The following GPC5 variants were observed in gnomAD, a reference collection of about 807,000 sequenced individuals.
The protein encoded by GPC5 is glypican 5, also known as glypican-5.
GPC5 carries 47 observed loss-of-function variants against 53.9 expected under a neutral mutation model. The ratio of observed to expected loss-of-function variants is 0.87; its 90% confidence interval spans 0.69 to 1.11. The LOEUF is 1.11. Ranked by LOEUF, GPC5 falls within the 50% of genes most tolerant of loss-of-function variation. GPC5 has a pLI of 0.00. For synonymous variants in GPC5, 286 were observed against 263.3 expected, an observed-to-expected ratio of 1.09 and a Z score of -0.84; for missense variants, 748 against 713.1, an observed-to-expected ratio of 1.05 and a Z score of -0.56.
At chr13:91,588,001 A>G (rs924566166) in intron 2 of GPC5, among the ~76,000 whole-genome samples, 67 of 152,178 alleles carry the variant, frequency 4.4e-4, no homozygotes, top group African/African-American at 1.6e-3. Context: ...GAACAGCTTC[A>G]AATCACCTTT....
In GPC5 at chr13:92,168,951, C is replaced by T. The variant is rs998686237; in HGVS notation, c.1561+23962C>T. ...TCAACCCACCCCAACAGTTATAGAC[C>T]GGATAAAGAAAATGTGGTACATATA... On this transcript the variant is annotated intron_variant, in intron 7 of 7. Coordinates refer to ENST00000377067, the MANE Select transcript of GPC5 (RefSeq NM_004466.6). 6.6e-5 allele frequency among the ~76,000 whole-genome samples: 10 copies of T among 152,102 alleles called. No individual in the cohort carries two copies. In the East Asian group the frequency reaches 9.6e-4, roughly 15 times the overall value.
chr13:92,552,442 A>G (rs1028838780), intron 7 of GPC5, among the ~76,000 whole-genome samples: 2 of 151,996 alleles, frequency 1.3e-5, no homozygotes, highest in Non-Finnish European at 2.9e-5. Context: ...TTTGAAGAGC[A>G]AGAAAATTAA....
intron 7 of GPC5, chr13:92,239,789 C>G (rs917864436): frequency 1.8e-4 from 6 of 33,492 alleles, no homozygotes; most frequent in Non-Finnish European, 4.4e-4. Context: ...GGATTTCCAC[C>G]TGCAAATGAT....
intron 7 of GPC5, among the ~76,000 whole-genome samples, chr13:92,787,748 A>ATACT (rs1313848827): frequency 6.6e-6 from 1 of 151,072 alleles, no homozygotes; most frequent in Non-Finnish European, 1.5e-5. Context: ...ATGGTGACAC[A>ATACT]TACTTATAGT....
intron 1 of GPC5, among the ~76,000 whole-genome samples, chr13:91,400,326 A>G (rs1395939730): frequency 1.3e-5 from 2 of 152,224 alleles, no homozygotes; most frequent in Non-Finnish European, 2.9e-5. Flanking sequence ...AAGTCATCCC[A>G]GAAAGAAAAT....
At chr13:91,820,730 G>A (rs760205521) in intron 5 of GPC5, among the ~76,000 whole-genome samples, 2 of 152,162 alleles carry the variant, frequency 1.3e-5, no homozygotes, top group Non-Finnish European at 2.9e-5. Context: ...TTGGGAGGCC[G>A]AGGCGGGAGG....
chr13:91,654,572 G>T (rs2034801237), intron 2 of GPC5, among the ~76,000 whole-genome samples: 1 of 152,080 alleles, frequency 6.6e-6, no homozygotes, highest in Non-Finnish European at 1.5e-5. Flanking sequence ...TGTCAGGAAG[G>T]ATATACTTTA....
intron 7 of GPC5, among the ~76,000 whole-genome samples, chr13:92,469,428 C>G (rs1187132664): frequency 6.6e-6 from 1 of 152,078 alleles, no homozygotes; most frequent in African/African-American, 2.4e-5. Context: ...TTAACTAGTT[C>G]AAACATTTAT....
intron 7 of GPC5, among the ~76,000 whole-genome samples, chr13:92,363,455 T>C (rs1365913043): frequency 6.6e-6 from 1 of 151,662 alleles, no homozygotes; most frequent in African/African-American, 2.4e-5. Flanking sequence ...ATTAGTTAGA[T>C]TAGATTCTCA....
intron 7 of GPC5, among the ~76,000 whole-genome samples, chr13:92,416,628 AT>A (rs1180966293): frequency 6.6e-6 from 1 of 152,218 alleles, no homozygotes; most frequent in Admixed American, 6.5e-5. Context: ...TTTAGAAAAA[AT>A]GTAGGAATAA....
intron 2 of GPC5, among the ~76,000 whole-genome samples, chr13:91,549,304 C>T (rs1594239395): frequency 6.8e-6 from 1 of 147,258 alleles, no homozygotes; most frequent in Non-Finnish European, 1.5e-5. Flanking sequence ...ACTCATAGTA[C>T]ATAATACAGG....
At chr13:92,278,930 T>C (rs189497849) in intron 7 of GPC5, among the ~76,000 whole-genome samples, 1 of 152,210 alleles carries the variant, frequency 6.6e-6, no homozygotes, top group Admixed American at 6.5e-5. Flanking sequence ...ACTGAAACTT[T>C]CTAATAAGTT....
intron 6 of GPC5, among the ~76,000 whole-genome samples, chr13:92,022,893 C>G (rs961119007): frequency 6.6e-6 from 1 of 151,894 alleles, no homozygotes; most frequent in South Asian, 2.1e-4. Flanking sequence ...AATTATTAAA[C>G]AAATTAAGAA....
intron 5 of GPC5, among the ~76,000 whole-genome samples, chr13:91,781,671 T>C (rs2037800836): frequency 6.6e-6 from 1 of 152,224 alleles, no homozygotes; most frequent in South Asian, 2.1e-4. Flanking sequence ...TAGGCATATC[T>C]TCCTCATTTT....
chr13:92,426,972 G>A (rs951381312), intron 7 of GPC5, among the ~76,000 whole-genome samples: 5 of 151,956 alleles, frequency 3.3e-5, no homozygotes, highest in African/African-American at 1.2e-4. Context: ...AGCTTGTGAT[G>A]AGAGACGAAT....
At chr13:92,747,639 G>A (rs1042687096) in intron 7 of GPC5, among the ~76,000 whole-genome samples, 11 of 152,114 alleles carry the variant, frequency 7.2e-5, no homozygotes, top group African/African-American at 1.2e-4. Flanking sequence ...GTCTCTTAAC[G>A]AAACCCATTG....
At chr13:91,797,994 G>A (rs2038074049) in intron 5 of GPC5, among the ~76,000 whole-genome samples, 2 of 152,114 alleles carry the variant, frequency 1.3e-5, no homozygotes, top group African/African-American at 4.8e-5. Flanking sequence ...TACAGGTTAG[G>A]GAGATTATCT....
intron 1 of GPC5, among the ~76,000 whole-genome samples, chr13:91,415,779 ACTAT>A (rs1270170897): frequency 1.3e-5 from 2 of 152,020 alleles, no homozygotes; most frequent in African/African-American, 4.8e-5. Flanking sequence ...GAGACTATAA[ACTAT>A]CTATTTAACC....
chr13:92,020,002 T>C (rs971102863), intron 6 of GPC5, among the ~76,000 whole-genome samples: 1 of 152,110 alleles, frequency 6.6e-6, no homozygotes, highest in Non-Finnish European at 1.5e-5. Flanking sequence ...GGGCTATGTT[T>C]ATTTCCAGAG....
Sources: gnomAD v4.1 joint callset for allele counts (sites outside exome capture counted in the v4.1 genomes callset) on GRCh38, gnomAD v4.1.1 for gene constraint, MANE v1.5 for transcripts, NCBI Gene and HGNC (gene_info 2026-07-23, HGNC 2026-07-21) for gene names.